WIPF1: variants seen among roughly 807,000 people sequenced by gnomAD.
WIPF1 encodes the protein WAS/WASL-interacting protein family member 1.
WIPF1 carries 13 observed loss-of-function variants against 35.4 expected under a neutral mutation model. That is an observed-to-expected ratio of 0.37 (90% CI 0.24 to 0.58). The LOEUF (loss-of-function observed/expected upper bound fraction) is 0.58, where lower values mean the gene tolerates loss of function less well. Ranked by LOEUF, WIPF1 falls within the 20% of genes least tolerant of loss-of-function variation. WIPF1 has a pLI of 0.74. For missense variants in WIPF1, 591 were observed against 667.0 expected (o/e 0.89, Z 1.25); for synonymous variants, 267 against 266.3 (o/e 1.00, Z -0.02).
intron 1 of WIPF1, among the ~76,000 whole-genome samples, chr2:174,640,110 A>G (rs947786018): frequency 6.6e-6 from 1 of 152,170 alleles, no homozygotes; most frequent in Non-Finnish European, 1.5e-5. Context: ...ATCAACGCAT[A>G]AAAATCAGTA....
chr2:174,585,803 G>A (rs1389834487), intron 1 of WIPF1, among the ~76,000 whole-genome samples, 192 bp from the exon 2 acceptor site: 2 of 152,138 alleles, frequency 1.3e-5, no homozygotes, highest in Non-Finnish European at 2.9e-5. Context: ...CTGACCCGAG[G>A]TGCTTGGAGA....
chr2:174,635,537 T>TG (rs1191690614), intron 1 of WIPF1, among the ~76,000 whole-genome samples: 3 of 147,228 alleles, frequency 2.0e-5, no homozygotes, highest in Non-Finnish European at 4.5e-5. Context: ...TTGTTTTTTT[T>TG]TTTTTTTTTT....
intron 1 of WIPF1, among the ~76,000 whole-genome samples, chr2:174,609,792 C>G (rs1686287598): frequency 6.6e-6 from 1 of 152,160 alleles, no homozygotes; most frequent in African/African-American, 2.4e-5. Flanking sequence ...CTACATGTGC[C>G]TGAGCTCCGT....
chr2:174,595,290 CAAAAAA>C (rs377491345), intron 1 of WIPF1, among the ~76,000 whole-genome samples: 17 of 45,290 alleles, frequency 3.8e-4, no homozygotes, highest in African/African-American at 1.3e-3. Flanking sequence ...AACCCTGTCT[CAAAAAA>C]AAAAAAAAAA....
chr2:174,602,042 T>G (rs913536160), upstream of WIPF1, among the ~76,000 whole-genome samples: 1 of 152,186 alleles, frequency 6.6e-6, no homozygotes, highest in African/African-American at 2.4e-5. Flanking sequence ...CTGAGATAAG[T>G]GGATTGAAAG....
chr2:174,607,160 T>C (rs977782361), intron 1 of WIPF1, among the ~76,000 whole-genome samples: 2 of 152,124 alleles, frequency 1.3e-5, no homozygotes, highest in Non-Finnish European at 2.9e-5. Context: ...CACCTCTCCT[T>C]TGGGAGGCTG....
rs1195130710 is a variant in WIPF1 at position 174,586,832 on chromosome 2, T to G, written c.-38-1221A>C. 1.1e-4 allele frequency among the ~76,000 whole-genome samples: 17 copies of G among 152,134 alleles called. No individual in the cohort carries two copies. In the East Asian group the frequency reaches 3.3e-3, roughly 29 times the overall value. Reference sequence around the variant, plus strand: ...CCAGTCCCTTTTGCCCCCAGCTGAATTCGTTTCAGCATTTTAACAAGATCC... The same window carrying G: ...CCAGTCCCTTTTGCCCCCAGCTGAAGTCGTTTCAGCATTTTAACAAGATCC... On this transcript the variant is annotated intron_variant, in intron 1 of 7. Transcript: ENST00000679041.
rs770667806 is a variant in WIPF1, at chr2:174,585,589, G to A, written c.-16C>T. ...GGACAGGCATCTTGGGCAGTTATGC[G>A]TTCAACAGTCTTGCTGATAAATCTG... On this transcript the variant is annotated 5_prime_UTR_variant, in exon 2 of 8. The change creates a new upstream start codon in the 5' untranslated region. Coordinates refer to ENST00000679041, the MANE Select transcript of WIPF1 (RefSeq NM_001375834.1). 17 of 1,611,652 alleles carry A rather than the reference G, an allele frequency of 1.1e-5. No individual in the cohort carries two copies. The highest frequency in any genetic ancestry group is 1.7e-4 in the Middle Eastern group (1 of 6,034).
At chr2:174,653,436 C>A (rs890995403) in intron 1 of WIPF1, among the ~76,000 whole-genome samples, 1 of 152,012 alleles carries the variant, frequency 6.6e-6, no homozygotes, top group African/African-American at 2.4e-5. Flanking sequence ...TCTAAGACTG[C>A]GTAAGAAACA....
rs1687336965 is a variant in WIPF1, at chr2:174,643,278, A to T, written c.-39+39496T>A. On this transcript the variant is annotated intron_variant, in intron 1 of 8. Coordinates refer to the WIPF1 transcript ENST00000272746. ...TTAAGTCAATAATGATAATGGAAAA[A>T]TGCTATTCAAATATTCTGTTCCTAT... Among the ~76,000 whole-genome samples the T allele has an allele frequency of 1.3e-5, 2 of 149,786 alleles. 1 individual carries two copies. Among genetic ancestry groups the T allele is most frequent in the African/African-American group, 5.1e-5 (2 of 39,096 alleles).
chr2:174,636,827 G>A (rs1037390992), intron 1 of WIPF1, among the ~76,000 whole-genome samples: 3 of 152,198 alleles, frequency 2.0e-5, no homozygotes, highest in African/African-American at 7.2e-5. Context: ...CAGATAAAGT[G>A]CCATTTTAGT....
intron 1 of WIPF1, among the ~76,000 whole-genome samples, chr2:174,616,980 A>T (rs536661590): frequency 1.6e-4 from 24 of 150,984 alleles, no homozygotes; most frequent in Admixed American, 3.9e-4. Flanking sequence ...TTTTTTTTTC[A>T]TTTTTTTTAA....
At chr2:174,677,464 G>T (rs182363158) in intron 1 of WIPF1, among the ~76,000 whole-genome samples, 1 of 152,338 alleles carries the variant, frequency 6.6e-6, no homozygotes, top group Admixed American at 6.5e-5. Context: ...TGCAATACAG[G>T]ATAGGGTGAA....
chr2:174,632,064 G>T (rs1408463120), intron 1 of WIPF1, among the ~76,000 whole-genome samples: 13 of 152,142 alleles, frequency 8.5e-5, no homozygotes, highest in Admixed American at 8.5e-4. Context: ...TTTTTCTCCA[G>T]ATTAAAGGTG....
At chr2:174,616,746 A>G (rs1686517135) in intron 1 of WIPF1, among the ~76,000 whole-genome samples, 1 of 152,188 alleles carries the variant, frequency 6.6e-6, no homozygotes, top group Admixed American at 6.5e-5. Context: ...TTCTGAGAGA[A>G]CAGGTGGCAA....
chr2:174,616,782 C>T (rs1047234783), intron 1 of WIPF1, among the ~76,000 whole-genome samples: 2 of 152,078 alleles, frequency 1.3e-5, no homozygotes, highest in Non-Finnish European at 2.9e-5. Flanking sequence ...CAAAAAGATC[C>T]TTATTTTTAT....
intron 1 of WIPF1, among the ~76,000 whole-genome samples, chr2:174,624,074 T>C (rs949054413): frequency 2.6e-4 from 40 of 151,852 alleles, no homozygotes; most frequent in Non-Finnish European, 1.5e-5. Flanking sequence ...CAGAAATAGA[T>C]CAACTTTGAA....
intron 1 of WIPF1, among the ~76,000 whole-genome samples, chr2:174,641,964 A>G (rs1159399472): frequency 6.6e-6 from 1 of 152,208 alleles, no homozygotes; most frequent in Non-Finnish European, 1.5e-5. Context: ...GCCAATATAC[A>G]GGTTCAGTTC....
At chr2:174,581,522 C>T (rs907763250) in intron 2 of WIPF1, 83 bp from the exon 3 acceptor site, 57 of 1,542,504 alleles carry the variant, frequency 3.7e-5, no homozygotes, top group South Asian at 7.3e-5. Flanking sequence ...AGGTTGGGTA[C>T]GGGAAGCTTG....
Sources: gnomAD v4.1 joint callset for allele counts (sites outside exome capture counted in the v4.1 genomes callset) on GRCh38, gnomAD v4.1.1 for gene constraint, MANE v1.5 for transcripts, NCBI Gene and HGNC (gene_info 2026-07-23, HGNC 2026-07-21) for gene names.